Variants in SIPA1L1 observed in about 807,000 individuals in gnomAD.
The protein encoded by SIPA1L1 is signal induced proliferation associated 1 like 1.
SIPA1L1 carries 26 observed loss-of-function variants against 162.7 expected under a neutral mutation model. The ratio of observed to expected loss-of-function variants is 0.16; its 90% CI spans 0.12 to 0.22. The LOEUF is 0.22. SIPA1L1 is among the 10% of genes least tolerant of loss of function. The probability of loss-of-function intolerance (pLI) is 1.00; values close to 1 mark genes in which losing one functional copy is unlikely to be tolerated. For missense variants in SIPA1L1, 1,874 were observed against 2,241.0 expected (o/e 0.84, Z 3.31); for synonymous variants, 829 against 837.4 (o/e 0.99, Z 0.17).
intron 2 of SIPA1L1, among the ~76,000 whole-genome samples, chr14:71,511,293 G>A (rs979791834): frequency 2.6e-5 from 4 of 151,484 alleles, no homozygotes; most frequent in Admixed American, 1.3e-4. Context: ...CCCCTCCCCC[G>A]CCTTTCCTTT....
rs190758914 is a variant in SIPA1L1, at chr14:71,408,561, G to C, written c.-465+87380G>C. On this transcript the variant is annotated intron_variant, in intron 2 of 23. Transcript: ENST00000381232. ...TGGAATGTGATGGGGACTCTCGCTC[G>C]AGGATTGTTCACATAGCTCTTGCAG... Among the ~76,000 whole-genome samples the C allele has an allele frequency of 3.2e-4, 48 of 152,300 alleles. No individual in the cohort carries two copies. The South Asian group carries it at 5.0e-3, about 16-fold the overall frequency.
In SIPA1L1 at chr14:71,672,442, C is replaced by T. The variant is rs745357125; in HGVS notation, c.2924C>T (p.Ala975Val). 7 of 1,614,046 alleles carry T rather than the reference C, an allele frequency of 4.3e-6. No individual in the cohort carries two copies. The highest frequency in any genetic ancestry group is 2.7e-5 in the African/African-American group (2 of 74,926). Residue 975 changes from alanine (A) to valine (V), a missense_variant, in exon 12 of 24, where the codon GCG (alanine) becomes GTG (valine). By Grantham distance (64) the Ala-to-Val change is moderately conservative. Transcript: ENST00000381232. ...GFHVNYEGIV[A>V]DVEPYGYAWQ... ...CATGTCAACTATGAGGGCATTGTGG[C>T]GGATGTGGAGCCCTACGGTTATGCC... is the stretch of plus-strand genomic sequence containing the variant.
chr14:71,379,506 C>T (rs1055797399), intron 2 of SIPA1L1: 8 of 151,552 alleles, frequency 5.3e-5, no homozygotes, highest in Non-Finnish European at 8.8e-5. Context: ...AATGTGGTCT[C>T]GCTGTGTTGC....
intron 4 of SIPA1L1, among the ~76,000 whole-genome samples, chr14:71,566,027 A>C (rs2030470053): frequency 6.6e-6 from 1 of 152,146 alleles, no homozygotes; most frequent in Non-Finnish European, 1.5e-5. Flanking sequence ...GTCATTTTGA[A>C]AATGACATGA....
At chr14:71,714,110 A>G (rs1390146098) in intron 17 of SIPA1L1, among the ~76,000 whole-genome samples, 1 of 152,216 alleles carries the variant, frequency 6.6e-6, no homozygotes, top group Non-Finnish European at 1.5e-5. Context: ...ATCACCGCAT[A>G]CAATAAACAT....
intron 13 of SIPA1L1, among the ~76,000 whole-genome samples, chr14:71,694,389 T>C (rs1343768908): frequency 6.6e-6 from 1 of 152,082 alleles, no homozygotes; most frequent in African/African-American, 2.4e-5. Flanking sequence ...TGCATATAAA[T>C]GAAAAGCTGG....
intron 22 of SIPA1L1, among the ~76,000 whole-genome samples, chr14:71,737,224 A>G (rs553059349): frequency 6.6e-6 from 1 of 152,322 alleles, no homozygotes; most frequent in African/African-American, 2.4e-5. Context: ...AGCAGAAGAC[A>G]TCAACACAGT....
rs867536234 is a variant in SIPA1L1 at position 71,419,503 on chromosome 14, T to G, written c.-464-93240T>G. 9.2e-3 allele frequency among the ~76,000 whole-genome samples: 1,268 copies of G among 137,916 alleles called. 4 individuals carry two copies. The highest frequency in any genetic ancestry group is 0.015 in the Non-Finnish European group (937 of 63,812). 90.5% of individuals were successfully genotyped at this position (137,916 alleles called of 152,430 possible). A position where few individuals can be genotyped will look rare whatever the true frequency, so the allele number is the denominator to read the frequency against. On this transcript the variant is annotated intron_variant, in intron 2 of 23. Coordinates refer to ENST00000381232, the MANE Select transcript of SIPA1L1 (RefSeq NM_001386936.1). Reference sequence around the variant, plus strand: ...CTCTTTTTTTTTTTTTTTTTTTTTTTTTTTTGAGACGGAGTCTCGCTCTGT... The same window carrying G: ...CTCTTTTTTTTTTTTTTTTTTTTTTGTTTTTGAGACGGAGTCTCGCTCTGT...
chr14:71,623,728 A>G (rs934816922), intron 6 of SIPA1L1, among the ~76,000 whole-genome samples: 1 of 152,190 alleles, frequency 6.6e-6, no homozygotes, highest in Non-Finnish European at 1.5e-5. Flanking sequence ...GCATAGTGAC[A>G]TGGTATAGCC....
chr14:71,512,127 C>G (rs1291053260), intron 2 of SIPA1L1, among the ~76,000 whole-genome samples: 1 of 152,102 alleles, frequency 6.6e-6, no homozygotes, highest in East Asian at 1.9e-4. Flanking sequence ...TAAGAAATAC[C>G]TGAGGCCTGG....
At chr14:71,702,277 C>T (rs1449478128) in intron 14 of SIPA1L1, 104 bp from the exon 15 acceptor site, 3 of 1,255,304 alleles carry the variant, frequency 2.4e-6, no homozygotes, top group Admixed American at 3.9e-5. Flanking sequence ...AAGCAAAAAC[C>T]AGTAGTGCCT....
intron 8 of SIPA1L1, among the ~76,000 whole-genome samples, chr14:71,654,493 G>A (rs77673563): frequency 2.0e-5 from 3 of 152,160 alleles, no homozygotes; most frequent in South Asian, 2.1e-4. Context: ...CTTAGAAGCC[G>A]TTTGTAAAAG....
chr14:71,607,520 A>G (rs1422481122), intron 5 of SIPA1L1, among the ~76,000 whole-genome samples: 1 of 152,032 alleles, frequency 6.6e-6, no homozygotes, highest in African/African-American at 2.4e-5. Context: ...ACTACAGAAA[A>G]TTGGCCTGTG....
intron 2 of SIPA1L1, among the ~76,000 whole-genome samples, chr14:71,482,477 C>T (rs1230159477): frequency 6.6e-6 from 1 of 152,172 alleles, no homozygotes; most frequent in Admixed American, 6.5e-5. Flanking sequence ...AACATTTCTT[C>T]TGCCAATTTT....
intron 2 of SIPA1L1, among the ~76,000 whole-genome samples, chr14:71,350,665 GAGTGA>G (rs1463929822): frequency 1.3e-5 from 2 of 152,188 alleles, no homozygotes; most frequent in African/African-American, 4.8e-5. Flanking sequence ...ACTCTTACAA[GAGTGA>G]AGTTAGGGAT....
At chr14:71,545,528 A>G (rs1167975168) in intron 4 of SIPA1L1, among the ~76,000 whole-genome samples, 1 of 152,036 alleles carries the variant, frequency 6.6e-6, no homozygotes, top group Non-Finnish European at 1.5e-5. Context: ...CTGTTTGTGT[A>G]TTGACCTGAT....
intron 2 of SIPA1L1, among the ~76,000 whole-genome samples, chr14:71,346,457 T>G (rs548203987): frequency 6.6e-6 from 1 of 152,290 alleles, no homozygotes; most frequent in Admixed American, 6.5e-5. Flanking sequence ...CTCTTGCACA[T>G]GAGATTTTTA....
In SIPA1L1 at chr14:71,377,558, C is replaced by T. The variant is rs1236400634; in HGVS notation, c.-465+56377C>T. 6.6e-6 allele frequency among the ~76,000 whole-genome samples: 1 copy of T among 152,296 alleles called. No individual in the cohort carries two copies. The highest frequency in any genetic ancestry group is 1.9e-4 in the East Asian group (1 of 5,172). ...TGGGCAGCCAGGCAGAGACGCTCCT[C>T]ACTTCCTACACGGGGTGGCGGCCGG... On this transcript the variant is annotated intron_variant, in intron 2 of 23. Transcript: ENST00000381232. The surrounding 1 kb of genome is among the most constrained non-coding windows in gnomAD (Gnocchi z 4.8).
At chr14:71,340,796 A>G (rs1425869277) in intron 2 of SIPA1L1, among the ~76,000 whole-genome samples, 1 of 152,132 alleles carries the variant, frequency 6.6e-6, no homozygotes, top group Non-Finnish European at 1.5e-5. Flanking sequence ...AAAATTAGCC[A>G]GGCATGGTGG....
Sources: gnomAD v4.1 joint callset for allele counts (sites outside exome capture counted in the v4.1 genomes callset) on GRCh38, gnomAD v4.1.1 for gene constraint, Gnocchi (gnomAD v3.1) non-coding constraint, MANE v1.5 for transcripts, NCBI Gene and HGNC (gene_info 2026-07-23, HGNC 2026-07-21) for gene names.